Variants in NME7 observed in about 807,000 individuals in gnomAD.
NME7 encodes NME/NM23 family member 7.
In NME7, 41 loss-of-function variants were observed where a neutral mutation model predicts 49.1. That is an observed-to-expected ratio of 0.83 (90% CI 0.65 to 1.08). The LOEUF is 1.08. Ranked by LOEUF, NME7 falls within the 50% of genes least tolerant of loss-of-function variation. The pLI, the probability that NME7 is intolerant of heterozygous loss-of-function variation, is 0.00. For missense variants in NME7, 423 were observed against 463.4 expected (o/e 0.91, Z 0.80); for synonymous variants, 139 against 150.6 (o/e 0.92, Z 0.56).
chr1:169,179,299 C>CA (rs1368300132), intron 10 of NME7, among the ~76,000 whole-genome samples: 1 of 152,062 alleles, frequency 6.6e-6, no homozygotes, highest in Non-Finnish European at 1.5e-5. Context: ...ATTAAAAAGT[C>CA]AAAAAACAAC....
At chr1:169,150,981 T>C (rs1369549677) in intron 11 of NME7, among the ~76,000 whole-genome samples, 2 of 147,818 alleles carry the variant, frequency 1.4e-5, no homozygotes, top group African/African-American at 5.4e-5. Flanking sequence ...CACAAAATAT[T>C]ATTCTACTTT....
intron 3 of NME7, among the ~76,000 whole-genome samples, chr1:169,312,434 A>G (rs1208788478): frequency 6.6e-6 from 1 of 152,250 alleles, no homozygotes; most frequent in Non-Finnish European, 1.5e-5. Context: ...TCTACCACTT[A>G]GTAATCCTCT....
At chr1:169,160,910 T>C (rs374795066) in intron 11 of NME7, among the ~76,000 whole-genome samples, 1 of 152,308 alleles carries the variant, frequency 6.6e-6, no homozygotes, top group East Asian at 1.9e-4. Context: ...TGCTTCTGGC[T>C]ATCCCTTCTG....
chr1:169,164,067 A>C (rs1199778015), intron 11 of NME7, among the ~76,000 whole-genome samples: 1 of 150,498 alleles, frequency 6.6e-6, no homozygotes, highest in Non-Finnish European at 1.5e-5. Flanking sequence ...TCGAGACTGC[A>C]CCACTGCACT....
chr1:169,146,738 C>T (rs1412714954), intron 11 of NME7, among the ~76,000 whole-genome samples: 1 of 152,174 alleles, frequency 6.6e-6, no homozygotes, highest in East Asian at 1.9e-4. Flanking sequence ...TAAACAGAGG[C>T]TAGGTTCTTG....
chr1:169,288,436 T>C (rs1005488596), intron 6 of NME7, among the ~76,000 whole-genome samples: 1 of 152,184 alleles, frequency 6.6e-6, no homozygotes, highest in African/African-American at 2.4e-5. Flanking sequence ...TCTCTGTAGA[T>C]GTGAGTTTCA....
At chr1:169,170,712 C>T (rs1259153958) in intron 10 of NME7, among the ~76,000 whole-genome samples, 6 of 152,160 alleles carry the variant, frequency 3.9e-5, no homozygotes, top group East Asian at 3.9e-4. Context: ...GTCAGGAGTT[C>T]GAGACCAGCC....
At position 169,245,780 on chromosome 1, in the gene NME7, T is replaced by A. The variant is rs943442008; in HGVS notation, c.755-8093A>T. Among the ~76,000 whole-genome samples, 24 of 152,138 alleles carry A rather than the reference T, an allele frequency of 1.6e-4. 1 individual carries two copies. The highest frequency in any genetic ancestry group is 5.9e-5 in the Non-Finnish European group (4 of 68,030). ...AAAGACAAATCAAAAAACTAGAGAT[T>A]ATGAGAGTTTAATGTTCAATGCTAA... On this transcript the variant is annotated intron_variant, in intron 7 of 11. Coordinates refer to ENST00000367811, the MANE Select transcript of NME7 (RefSeq NM_013330.5).
intron 7 of NME7, among the ~76,000 whole-genome samples, chr1:169,276,431 G>A (rs10919123): frequency 0.12 from 15,632 of 131,412 alleles, 4,298 homozygotes; most frequent in Admixed American, 0.25. Context: ...TGTATGTGTC[G>A]AGGAATTTAT....
At chr1:169,282,020 A>G (rs1416888432) in intron 7 of NME7, among the ~76,000 whole-genome samples, 1 of 152,182 alleles carries the variant, frequency 6.6e-6, no homozygotes, top group African/African-American at 2.4e-5. Flanking sequence ...TTCAGAAGGA[A>G]TGGTACCAGC....
intron 1 of NME7, among the ~76,000 whole-genome samples, chr1:169,365,561 T>C (rs928929325): frequency 2.7e-5 from 4 of 150,166 alleles, no homozygotes; most frequent in African/African-American, 9.8e-5. Context: ...GCAAGAGAAT[T>C]TTTTTTTTTT....
At chr1:169,175,350 A>G (rs1471708167) in intron 10 of NME7, among the ~76,000 whole-genome samples, 1 of 152,156 alleles carries the variant, frequency 6.6e-6, no homozygotes, top group East Asian at 1.9e-4. Flanking sequence ...GCTCTTTTAC[A>G]GTTAACTTTT....
chr1:169,236,915 T>C (rs1054493573), intron 8 of NME7, among the ~76,000 whole-genome samples: 3 of 152,140 alleles, frequency 2.0e-5, no homozygotes, highest in South Asian at 2.1e-4. Context: ...AAGCACAAAC[T>C]TGCTGGGCTT....
At chr1:169,238,364 A>G (rs1647944387) in intron 7 of NME7, among the ~76,000 whole-genome samples, 1 of 152,080 alleles carries the variant, frequency 6.6e-6, no homozygotes, top group Middle Eastern at 3.4e-3. Context: ...TGGAGTCTAT[A>G]GTCTCTGGGC....
intron 10 of NME7, among the ~76,000 whole-genome samples, chr1:169,196,004 C>T (rs571087090): frequency 1.3e-5 from 2 of 152,190 alleles, no homozygotes; most frequent in East Asian, 3.9e-4. Flanking sequence ...AAAAGGTAGG[C>T]TTTGATCTCT....
In NME7 at chr1:169,251,713, C is replaced by CCCCCA. The variant is rs1256213414; in HGVS notation, c.755-14031_755-14027dup. On this transcript the variant is annotated intron_variant, in intron 7 of 11. Transcript: ENST00000367811. ...CTCCCAATGCTATCCCTCCCCCCTC[C>CCCCCA]CCCCACCCCACAACAGTCCCCAGAG... Among the ~76,000 whole-genome samples the CCCCCA allele has an allele frequency of 3.8e-5, 4 of 104,688 alleles. No individual in the cohort carries two copies. The East Asian group carries it at 1.4e-3, about 38-fold the overall frequency. The allele number at this position is 104,688 out of a possible 152,430, so 68.7% of individuals were successfully genotyped here.
At chr1:169,331,097 A>G (rs1652238716) in intron 1 of NME7, among the ~76,000 whole-genome samples, 1 of 152,220 alleles carries the variant, frequency 6.6e-6, no homozygotes, top group Non-Finnish European at 1.5e-5. Flanking sequence ...TCAGCAATAC[A>G]TTAGAAAGAT....
At chr1:169,336,470 T>C (rs985042978) in intron 1 of NME7, among the ~76,000 whole-genome samples, 6 of 152,286 alleles carry the variant, frequency 3.9e-5, no homozygotes, top group African/African-American at 1.4e-4. Flanking sequence ...ATCCCTGAGC[T>C]AGATACAAAG....
chr1:169,351,139 C>A (rs185885821), intron 1 of NME7, among the ~76,000 whole-genome samples: 1 of 152,128 alleles, frequency 6.6e-6, no homozygotes, highest in Admixed American at 6.6e-5. Context: ...AATTCTTATT[C>A]TCAATATGTG....
Sources: allele counts gnomAD v4.1 joint callset (sites outside exome capture counted in the v4.1 genomes callset), GRCh38; gene constraint gnomAD v4.1.1; transcripts MANE v1.5; gene names NCBI Gene and HGNC (gene_info 2026-07-23, HGNC 2026-07-21).